The following ANAPC5 variants were observed in gnomAD, a reference collection of about 807,000 sequenced individuals.
The protein encoded by ANAPC5 is anaphase-promoting complex subunit 5.
In ANAPC5, 60 loss-of-function variants were observed where a neutral mutation model predicts 91.3. The observed-to-expected ratio is 0.66, with a 90% CI of 0.53 to 0.81. The LOEUF (loss-of-function observed/expected upper bound fraction) is 0.81, where lower values mean the gene tolerates loss of function less well. Among genes scored for constraint, ANAPC5 ranks in the 40% least tolerant of loss-of-function variants. ANAPC5 has a pLI of 0.00. For missense variants in ANAPC5, 690 were observed against 931.5 expected (o/e 0.74, Z 3.37); for synonymous variants, 340 against 364.1 (o/e 0.93, Z 0.75).
upstream of ANAPC5, among the ~76,000 whole-genome samples, chr12:121,353,411 A>G (rs1903978941): frequency 6.6e-6 from 1 of 150,624 alleles, no homozygotes; most frequent in Non-Finnish European, 1.5e-5. Flanking sequence ...TTGGCTATCC[A>G]CATGCACACA....
At chr12:121,322,599 A>C (rs1902661389) in intron 11 of ANAPC5, among the ~76,000 whole-genome samples, 2 of 152,208 alleles carry the variant, frequency 1.3e-5, no homozygotes, top group South Asian at 4.1e-4. Flanking sequence ...AAAATCAATT[A>C]TGGTACATGA....
rs759938956 is a variant in ANAPC5, at chr12:121,319,679, G to A, written c.1637+18C>T. The A allele has an allele frequency of 6.3e-6, 10 of 1,596,712 alleles. No homozygotes were observed. Among genetic ancestry groups the A allele is most frequent in the Non-Finnish European group, 8.5e-6 (10 of 1,174,772 alleles). ...ACAATTATTTTATTCTGGGGTTAGA[G>A]TTTTCAAGGTTTCTTACCTATAAAC... On this transcript the variant is annotated intron_variant, in intron 13 of 16. Transcript: ENST00000261819.
At chr12:121,339,971 G>A (rs992480440) in intron 5 of ANAPC5, among the ~76,000 whole-genome samples, 2 of 144,014 alleles carry the variant, frequency 1.4e-5, no homozygotes, top group East Asian at 4.4e-4. Context: ...CCACTCCCCA[G>A]GTTCAAGCGA....
chr12:121,310,707 G>A (rs1451813534), intron 15 of ANAPC5, among the ~76,000 whole-genome samples: 2 of 152,130 alleles, frequency 1.3e-5, no homozygotes, highest in East Asian at 1.9e-4. Context: ...GTGCAGGCGG[G>A]CAGATCACTT....
intron 15 of ANAPC5, 72 bp from the exon 16 acceptor site, chr12:121,309,935 G>A (rs1204615391): frequency 1.4e-6 from 2 of 1,444,688 alleles, no homozygotes; most frequent in South Asian, 1.5e-5. Context: ...TTTCATTTCT[G>A]GCAGTTCTCT....
In ANAPC5 at chr12:121,308,675, G is replaced by T. The variant is rs571297945; in HGVS notation, c.2073C>A (p.Ile691=). 8.7e-6 allele frequency: 14 copies of T among 1,613,910 alleles called. No homozygotes were observed. The highest frequency in any genetic ancestry group is 1.2e-5 in the Non-Finnish European group (14 of 1,179,904). ...AGTTCTTGGCTTCATTGAGGTTCTC[G>T]ATGGCAGCCTCCAGAGCTGACGGAA... The part of the protein sequence containing the change: ...PKKAEALEAA[I]ENLNEAKNYF... Residue 691 remains isoleucine (I), a synonymous_variant, in exon 17 of 17, where the codon ATC becomes ATA. Transcript: ENST00000261819.
chr12:121,334,762 A>C (rs1903165976), intron 7 of ANAPC5: 1 of 152,240 alleles, frequency 6.6e-6, no homozygotes, highest in African/African-American at 2.4e-5. Flanking sequence ...CAGTAAAGGT[A>C]CAACTGCCTT....
intron 15 of ANAPC5, among the ~76,000 whole-genome samples, chr12:121,316,423 G>A (rs1379104202): frequency 3.3e-5 from 5 of 152,176 alleles, no homozygotes; most frequent in East Asian, 1.9e-4. Context: ...AATTCCGTTC[G>A]TAGGCATCAA....
At chr12:121,346,054 AG>A in intron 3 of ANAPC5, 23 bp from the exon 4 acceptor site, 1 of 1,580,090 alleles carries the variant, frequency 6.3e-7, no homozygotes, top group Non-Finnish European at 8.6e-7. Context: ...ACGAGAGACA[AG>A]GGGAAAGCAT....
rs1441560421 is a variant in ANAPC5, at chr12:121,309,815, T to C, written c.1942A>G (p.Ile648Val). 1 of 1,614,034 alleles carries C rather than the reference T, an allele frequency of 6.2e-7. No homozygotes were observed. The highest frequency in any genetic ancestry group is 8.5e-7 in the Non-Finnish European group (1 of 1,180,030). Residue 648 changes from isoleucine to valine, a missense_variant, in exon 16 of 17, where the codon ATC (isoleucine) becomes GTC (valine). Physicochemically the swap from Ile to Val is conservative, Grantham distance 29. Transcript: ENST00000261819. The stretch of plus-strand genomic sequence containing the variant: ...GCCCCGTCAGCCAAGATGGGCTCGA[T>C]GGCCATGTGGAGAAGACTTAAGGCC... ...EQALSLLHMAIEPILADGAIL... is the reference protein window; with the variant it reads ...EQALSLLHMAVEPILADGAIL...
intron 5 of ANAPC5, among the ~76,000 whole-genome samples, chr12:121,338,791 A>G (rs1903339242): frequency 6.6e-6 from 1 of 152,078 alleles, no homozygotes; most frequent in African/African-American, 2.4e-5. Context: ...TACATATCAT[A>G]TTCTGATTTT....
upstream of ANAPC5, among the ~76,000 whole-genome samples, chr12:121,352,718 T>TTGTTGG (rs71079056): frequency 9.8e-6 from 1 of 102,346 alleles, no homozygotes; most frequent in Non-Finnish European, 2.3e-5. Flanking sequence ...GTTGTTGTTG[T>TTGTTGG]TGGTGGTGGT....
intron 15 of ANAPC5, among the ~76,000 whole-genome samples, chr12:121,311,960 AT>A (rs1388223804): frequency 6.6e-6 from 1 of 152,208 alleles, no homozygotes; most frequent in African/African-American, 2.4e-5. Flanking sequence ...GACACTACAA[AT>A]GAACTGGCCC....
chr12:121,329,022 A>C (rs911886075), intron 9 of ANAPC5: 4 of 152,672 alleles, frequency 2.6e-5, no homozygotes, highest in Non-Finnish European at 5.9e-5. Flanking sequence ...ATGCCAGCTT[A>C]AATTCATGGC....
chr12:121,347,887 T>G lies in ANAPC5; in HGVS notation c.208-6A>C. ...GACAGTGTAATATCTGGGCCCTGTG[T>G]AAAGGAGAGATAGGGAGGTATGGAT... On this transcript the variant is annotated splice_polypyrimidine_tract_variant and splice_region_variant and intron_variant, in intron 1 of 16. Coordinates refer to ENST00000261819, the MANE Select transcript of ANAPC5 (RefSeq NM_016237.5). The G allele has an allele frequency of 6.3e-7, 1 of 1,599,478 alleles. No homozygotes were observed. The highest frequency in any genetic ancestry group is 8.6e-7 in the Non-Finnish European group (1 of 1,167,030).
intron 15 of ANAPC5, among the ~76,000 whole-genome samples, chr12:121,310,548 G>A (rs147495931): frequency 0.015 from 2,311 of 152,208 alleles, 57 homozygotes; most frequent in African/African-American, 0.053. Context: ...GGGCAACAGA[G>A]CAAGACTTTG....
chr12:121,313,326 CAAAA>C (rs1271598903), intron 15 of ANAPC5, among the ~76,000 whole-genome samples: 1 of 148,792 alleles, frequency 6.7e-6, no homozygotes, highest in Admixed American at 6.7e-5. Context: ...AACTCCATCT[CAAAA>C]AAAAAGAAAG....
Position 121,347,900 on chromosome 12 carries a change from G to C in ANAPC5, c.208-19C>G, listed in dbSNP as rs1440697151. On this transcript the variant is annotated intron_variant, in intron 1 of 16. Coordinates refer to ENST00000261819, the MANE Select transcript of ANAPC5 (RefSeq NM_016237.5). ...CTGGGCCCTGTGTAAAGGAGAGATA[G>C]GGAGGTATGGATTTTAAAGAGCTGG... 2 of 1,547,840 alleles carry C rather than the reference G, an allele frequency of 1.3e-6. No individual in the cohort carries two copies. Among genetic ancestry groups the C allele is most frequent in the East Asian group, 2.2e-5 (1 of 44,532 alleles).
Position 121,319,821 on chromosome 12 carries a change from A to T in ANAPC5, c.1516-3T>A, listed in dbSNP as rs1366587881. On this transcript the variant is annotated splice_polypyrimidine_tract_variant and splice_region_variant and intron_variant, in intron 12 of 16. Coordinates refer to ENST00000261819, the MANE Select transcript of ANAPC5 (RefSeq NM_016237.5). Reference sequence around the variant, plus strand: ...TTTTGATCACATAGCATCCATAACTAGTAAGAAAAAAAAACACAATTAAGT... The same window carrying T: ...TTTTGATCACATAGCATCCATAACTTGTAAGAAAAAAAAACACAATTAAGT... 1 of 1,589,956 alleles carries T rather than the reference A, an allele frequency of 6.3e-7. No individual in the cohort carries two copies. The highest frequency in any genetic ancestry group is 1.2e-5 in the South Asian group (1 of 86,656).
Sources: gnomAD v4.1 joint callset for allele counts (sites outside exome capture counted in the v4.1 genomes callset) on GRCh38, gnomAD v4.1.1 for gene constraint, MANE v1.5 for transcripts, NCBI Gene and HGNC (gene_info 2026-07-23, HGNC 2026-07-21) for gene names.